The following PRIM2 variants were observed in gnomAD, a reference collection of about 807,000 sequenced individuals.
The protein encoded by PRIM2 is DNA primase large subunit.
In PRIM2, 39 loss-of-function variants were observed where a neutral mutation model predicts 67.3. The ratio of observed to expected loss-of-function variants is 0.58; its 90% CI spans 0.45 to 0.76. The LOEUF (loss-of-function observed/expected upper bound fraction) is 0.76, where lower values mean the gene tolerates loss of function less well. Among genes scored for constraint, PRIM2 ranks in the 30% least tolerant of loss-of-function variants. PRIM2 has a pLI of 0.00. For missense variants in PRIM2, 398 were observed against 598.7 expected, an observed-to-expected ratio of 0.66 and a Z score of 3.50; for synonymous variants, 143 against 198.7, an observed-to-expected ratio of 0.72 and a Z score of 2.36.
chr6:57,515,629 A>C (rs1176140777), intron 8 of PRIM2, among the ~76,000 whole-genome samples: 2 of 152,230 alleles, frequency 1.3e-5, no homozygotes, highest in African/African-American at 4.8e-5. Context: ...TAGAATATTT[A>C]AAAATCACTC....
the PRIM2 span, among the ~76,000 whole-genome samples, chr6:57,264,083 G>A: frequency 6.6e-6 from 1 of 152,122 alleles, no homozygotes; most frequent in Non-Finnish European, 1.5e-5. Context: ...GCTTGCCTTG[G>A]GTGGTTAAAT....
intron 7 of PRIM2, among the ~76,000 whole-genome samples, chr6:57,384,384 A>G (rs944139047): frequency 3.4e-4 from 52 of 152,116 alleles, no homozygotes; most frequent in African/African-American, 1.2e-3. Flanking sequence ...TAAGGATATC[A>G]GTCATATTGG....
At chr6:57,235,850 G>A in the PRIM2 span, among the ~76,000 whole-genome samples, 3 of 152,168 alleles carry the variant, frequency 2.0e-5, no homozygotes, top group Non-Finnish European at 4.4e-5. Context: ...ATTTGAAGAT[G>A]TTGTGCTGCT....
At chr6:57,503,850 C>T (rs1774197588) in intron 7 of PRIM2, among the ~76,000 whole-genome samples, 1 of 152,142 alleles carries the variant, frequency 6.6e-6, no homozygotes, top group African/African-American at 2.4e-5. Flanking sequence ...CTTGGTAAAG[C>T]ATCAGTTACC....
intron 13 of PRIM2, among the ~76,000 whole-genome samples, chr6:57,635,506 G>A (rs1777103327): frequency 6.6e-6 from 1 of 152,170 alleles, no homozygotes; most frequent in Non-Finnish European, 1.5e-5. Flanking sequence ...TAGGTCATGT[G>A]TAGATTCATC....
chr6:57,319,836 T>C (rs1470465299), intron 2 of PRIM2, among the ~76,000 whole-genome samples: 1 of 152,216 alleles, frequency 6.6e-6, no homozygotes, highest in African/African-American at 2.4e-5. Flanking sequence ...TACCCATACC[T>C]GTGGGACATG....
chr6:57,311,582 C>T (rs1045741550), upstream of PRIM2, among the ~76,000 whole-genome samples: 7 of 151,938 alleles, frequency 4.6e-5, no homozygotes, highest in Non-Finnish European at 7.4e-5. Flanking sequence ...ACATCCCAGA[C>T]GATGGGTGGC....
the PRIM2 span, among the ~76,000 whole-genome samples, chr6:57,240,954 G>A: frequency 6.6e-6 from 1 of 152,012 alleles, no homozygotes; most frequent in Non-Finnish European, 1.5e-5. Flanking sequence ...GCGGGGCTCA[G>A]TGACTCAAGC....
intron 7 of PRIM2, among the ~76,000 whole-genome samples, chr6:57,504,680 A>C (rs1288358083): frequency 6.6e-6 from 1 of 152,182 alleles, no homozygotes; most frequent in African/African-American, 2.4e-5. Context: ...TGTGTCCGGT[A>C]CATTGTTGTG....
the PRIM2 span, among the ~76,000 whole-genome samples, chr6:57,293,324 A>G: frequency 1.3e-5 from 2 of 152,210 alleles, no homozygotes; most frequent in Non-Finnish European, 2.9e-5. Context: ...ATCATGAAAA[A>G]GTCAGGAAAC....
chr6:57,393,195 CAGTTCTTGATTCTTTT>C (rs1400318817), intron 7 of PRIM2, among the ~76,000 whole-genome samples: 2 of 152,036 alleles, frequency 1.3e-5, no homozygotes, highest in African/African-American at 4.8e-5. Context: ...GATCAAGTGG[CAGTTCTTGATTCTTTT>C]AGTTCTTTAA....
At chr6:57,636,047 C>T (rs1777115734) in intron 13 of PRIM2, among the ~76,000 whole-genome samples, 1 of 152,198 alleles carries the variant, frequency 6.6e-6, no homozygotes, top group Admixed American at 6.5e-5. Context: ...GGACTTTGGA[C>T]CTGAAACACT....
intron 10 of PRIM2, among the ~76,000 whole-genome samples, chr6:57,564,420 A>G (rs1256681138): frequency 6.6e-6 from 1 of 152,196 alleles, no homozygotes; most frequent in Non-Finnish European, 1.5e-5. Flanking sequence ...GTTGGAATGC[A>G]TTGAAACATG....
the PRIM2 span, among the ~76,000 whole-genome samples, chr6:57,223,820 AAT>A: frequency 6.6e-6 from 1 of 152,198 alleles, no homozygotes; most frequent in Non-Finnish European, 1.5e-5. Context: ...ACAGAAAATA[AAT>A]ATGAGTGTTG....
At chr6:57,377,683 T>C (rs1259134629) in intron 5 of PRIM2, among the ~76,000 whole-genome samples, 5 of 152,134 alleles carry the variant, frequency 3.3e-5, no homozygotes, top group Admixed American at 1.3e-4. Context: ...CCTGACTCCA[T>C]TGAGTTTTAA....
At chr6:57,631,893 T>G (rs1288795934) in intron 12 of PRIM2, among the ~76,000 whole-genome samples, 2 of 152,232 alleles carry the variant, frequency 1.3e-5, no homozygotes, top group African/African-American at 4.8e-5. Flanking sequence ...AATGTACAGT[T>G]GGTAGGTCAG....
At chr6:57,591,207 A>G (rs1236550670) in intron 10 of PRIM2, among the ~76,000 whole-genome samples, 1 of 152,212 alleles carries the variant, frequency 6.6e-6, no homozygotes, top group Non-Finnish European at 1.5e-5. Flanking sequence ...ATAAGAATTT[A>G]AAAGGGGGCA....
rs1165819297 is a variant in PRIM2 at position 57,578,465 on chromosome 6, A to G, written c.1021-22628A>G. On this transcript the variant is annotated intron_variant, in intron 10 of 13. Coordinates refer to ENST00000615550, the MANE Select transcript of PRIM2 (RefSeq NM_000947.5). ...CTACATTTATTATTGGAATGTTTCT[A>G]TAAGGAAAAACTGTCCTTTCTCCCC... Among the ~76,000 whole-genome samples the G allele has an allele frequency of 2.6e-5, 4 of 152,068 alleles. No homozygotes were observed. The East Asian group carries it at 7.7e-4, about 29-fold the overall frequency.
At chr6:57,608,643 G>A (rs1298061794) in intron 12 of PRIM2, among the ~76,000 whole-genome samples, 1 of 150,478 alleles carries the variant, frequency 6.6e-6, no homozygotes, top group Non-Finnish European at 1.5e-5. Flanking sequence ...AGCCCAAGAA[G>A]TTGAGGCTCC....
Sources: gnomAD v4.1 joint callset for allele counts (sites outside exome capture counted in the v4.1 genomes callset) on GRCh38, gnomAD v4.1.1 for gene constraint, MANE v1.5 for transcripts, NCBI Gene and HGNC (gene_info 2026-07-23, HGNC 2026-07-21) for gene names.